Variants in STMN3 observed in about 807,000 individuals in gnomAD.
STMN3 encodes the protein stathmin 3.
Under a neutral mutation model 23.2 loss-of-function variants are expected in STMN3, and 24 were observed. The ratio of observed to expected loss-of-function variants is 1.03; its 90% CI spans 0.75 to 1.45. The LOEUF (loss-of-function observed/expected upper bound fraction) is 1.45. Among genes scored for constraint, STMN3 ranks in the 40% most tolerant of loss-of-function variants. STMN3 has a pLI of 0.00. For synonymous variants in STMN3, 117 were observed against 103.4 expected (o/e 1.13, Z -0.80); for missense variants, 235 against 237.6 (o/e 0.99, Z 0.07).
Position 63,643,855 on chromosome 20 carries a change from C to G in STMN3, c.192G>C (p.Leu64=), listed in dbSNP as rs549894362. 15 of 1,580,410 alleles carry G rather than the reference C, an allele frequency of 9.5e-6. No homozygotes were observed. The highest frequency in any genetic ancestry group is 2.8e-5 in the African/African-American group (2 of 72,486). ...AGGAGAGCATAGGGCTCTCTGGGGA[C>G]AGGTCAGAAGGGGACTTGAGGATGA... The part of the protein sequence containing the change: ...FEVILKSPSD[L]SPESPMLSSP... Residue 64 remains leucine, a synonymous_variant, in exon 3 of 5, where the codon CTG becomes CTC. Transcript: ENST00000370053.
chr20:63,643,967 C>G (rs368925366), intron 2 of STMN3, 36 bp from the exon 3 acceptor site: 1 of 1,582,804 alleles, frequency 6.3e-7, no homozygotes, highest in African/African-American at 1.4e-5. Context: ...TTCAGAGGCC[C>G]GGCCAGGGCA....
At chr20:63,651,763 C>T (rs1170368549) in intron 1 of STMN3, among the ~76,000 whole-genome samples, 6 of 152,204 alleles carry the variant, frequency 3.9e-5, no homozygotes, top group African/African-American at 1.2e-4. Context: ...TTAGGCAGCT[C>T]GGACAACACC....
At chr20:63,653,218 T>C (rs1601065812) in intron 1 of STMN3, 109 bp downstream of exon 1, 1 of 1,351,482 alleles carries the variant, frequency 7.4e-7, no homozygotes, top group Non-Finnish European at 1.0e-6. Context: ...ACGCGCAGGG[T>C]AGGAGAAGGG....
chr20:63,641,236 G>A lies in STMN3; in HGVS notation c.*102C>T, dbSNP rs1219781632. 3 of 984,110 alleles carry A rather than the reference G, an allele frequency of 3.0e-6. No homozygotes were observed. The highest frequency in any genetic ancestry group is 3.1e-6 in the Non-Finnish European group (2 of 639,690). 61.0% of individuals were successfully genotyped at this position (984,110 alleles called of 1,614,324 possible). A position where few individuals can be genotyped will look rare whatever the true frequency, so the allele number is the denominator to read the frequency against. On this transcript the variant is annotated 3_prime_UTR_variant, in exon 5 of 5. Transcript: ENST00000370053. Reference sequence around the variant, plus strand: ...GAAGCATGAAGCTGGGGGCGGGGGTGGGGGAGGAGGAACAAAAGTTGCATC... The same window carrying A: ...GAAGCATGAAGCTGGGGGCGGGGGTAGGGGAGGAGGAACAAAAGTTGCATC...
chr20:63,641,150 A>AG lies in STMN3; in HGVS notation c.*187dup. ...GCGTCTCACGCCCGGCGGCTCCTGC[A>AG]GGGGAAGCCGTGGTCAGCGACTCAC... On this transcript the variant is annotated 3_prime_UTR_variant, in exon 5 of 5. Coordinates refer to ENST00000370053, the MANE Select transcript of STMN3 (RefSeq NM_015894.4). The AG allele has an allele frequency of 1.5e-6, 1 of 652,746 alleles. No homozygotes were observed. The highest frequency in any genetic ancestry group is 2.8e-6 in the Non-Finnish European group (1 of 359,130). The allele number at this position is 652,746 out of a possible 1,614,324, so 40.4% of individuals were successfully genotyped here.
chr20:63,647,755 A>T lies in STMN3; in HGVS notation c.20-3446T>A, dbSNP rs1350939942. ...CATATATATACACGTGTATATATAT[A>T]ATATATATACATATATACACGTGTA... On this transcript the variant is annotated intron_variant, in intron 1 of 4. Transcript: ENST00000370053. Among the ~76,000 whole-genome samples the T allele has an allele frequency of 3.2e-4, 40 of 125,348 alleles. 1 individual carries two copies. Among genetic ancestry groups the T allele is most frequent in the South Asian group, 9.0e-4 (4 of 4,462 alleles). The allele number at this position is 125,348 out of a possible 152,430, so 82.2% of individuals were successfully genotyped here. A position where few individuals can be genotyped will look rare whatever the true frequency, so the allele number is the denominator to read the frequency against.
intron 1 of STMN3, 106 bp downstream of exon 1, chr20:63,653,221 G>A: frequency 7.0e-7 from 1 of 1,419,850 alleles, no homozygotes; most frequent in Non-Finnish European, 9.6e-7. Context: ...CGCAGGGTAG[G>A]AGAAGGGAAA....
intron 1 of STMN3, among the ~76,000 whole-genome samples, chr20:63,648,804 C>T (rs749499542): frequency 6.6e-6 from 1 of 152,136 alleles, no homozygotes. Flanking sequence ...CTCAAAGCCC[C>T]TGTCTGCCCT....
chr20:63,642,896 G>A (rs572464275), intron 3 of STMN3, among the ~76,000 whole-genome samples: 3 of 152,276 alleles, frequency 2.0e-5, no homozygotes, highest in Admixed American at 6.5e-5. Flanking sequence ...TGGCCTCACC[G>A]GGAAGGGAAC....
chr20:63,647,934 A>ATGTGTG (rs1220891233), intron 1 of STMN3, among the ~76,000 whole-genome samples: 5 of 59,154 alleles, frequency 8.5e-5, no homozygotes, highest in African/African-American at 4.1e-4. Flanking sequence ...ATATACGTAT[A>ATGTGTG]TATGTGTGTG....
chr20:63,641,800 G>C (rs2089764847), intron 4 of STMN3, among the ~76,000 whole-genome samples: 1 of 110,254 alleles, frequency 9.1e-6, no homozygotes, highest in Non-Finnish European at 1.9e-5. Flanking sequence ...TCAGCGCCTC[G>C]GAGTCCCCGG....
At chr20:63,649,156 C>T (rs2089839223) in intron 1 of STMN3, among the ~76,000 whole-genome samples, 1 of 152,140 alleles carries the variant, frequency 6.6e-6, no homozygotes, top group South Asian at 2.1e-4. Context: ...GAGCTTCTAT[C>T]CCAAGAGACT....
chr20:63,652,859 G>T lies in STMN3; in HGVS notation c.19+468C>A, dbSNP rs2089871540. 1.1e-6 allele frequency: 1 copy of T among 915,078 alleles called. No individual in the cohort carries two copies. The highest frequency in any genetic ancestry group is 1.3e-6 in the Non-Finnish European group (1 of 765,924). The allele number at this position is 915,078 out of a possible 1,614,324, so 56.7% of individuals were successfully genotyped here. ...CCCCTCCAGCCCCTGTGCTGCACTGGCGCGGGGAGCGCCGGGTTCCCGGCT... is the reference window on the plus strand; with the variant it reads ...CCCCTCCAGCCCCTGTGCTGCACTGTCGCGGGGAGCGCCGGGTTCCCGGCT... On this transcript the variant is annotated intron_variant, in intron 1 of 4. Coordinates refer to ENST00000370053, the MANE Select transcript of STMN3 (RefSeq NM_015894.4). The surrounding 1 kb of genome is among the most constrained non-coding windows in gnomAD (Gnocchi z 5.3).
intron 3 of STMN3, 63 bp downstream of exon 3, chr20:63,643,693 C>A: frequency 6.8e-7 from 1 of 1,472,584 alleles, no homozygotes; most frequent in South Asian, 1.5e-5. Flanking sequence ...TTCTTGCAGG[C>A]CCTGTCCCCG....
Position 63,652,750 on chromosome 20 carries a change from C to G in STMN3, c.19+577G>C, listed in dbSNP as rs557995513. ...CGCGGGCGTCGCAAAGGGTGGTCCCCGAGGCCGCAGCGGTGTGGGGGGAGG... is the reference window on the plus strand; with the variant it reads ...CGCGGGCGTCGCAAAGGGTGGTCCCGGAGGCCGCAGCGGTGTGGGGGGAGG... On this transcript the variant is annotated intron_variant, in intron 1 of 4. Transcript: ENST00000370053. The surrounding 1 kb of genome is among the most constrained non-coding windows in gnomAD (Gnocchi z 5.3). The G allele has an allele frequency of 1.4e-5, 14 of 985,934 alleles. No individual in the cohort carries two copies. In the South Asian group the frequency reaches 5.6e-4, roughly 40 times the overall value. The allele number at this position is 985,934 out of a possible 1,614,324, so 61.1% of individuals were successfully genotyped here. A position where few individuals can be genotyped will look rare whatever the true frequency, so the allele number is the denominator to read the frequency against.
At chr20:63,642,414 C>T (rs939054357) in intron 3 of STMN3, 115 bp from the exon 4 acceptor site, 6 of 539,156 alleles carry the variant, frequency 1.1e-5, no homozygotes, top group African/African-American at 8.0e-5. Flanking sequence ...GCGCCTCCAC[C>T]TGCCCAGGCC....
rs2089869478 is a variant in STMN3, at chr20:63,652,604, GTGGAGGGGC to G, written c.19+714_19+722del. ...AGGCGGTGGGTCCGCCCCGCGGGAG[GTGGAGGGGC>G]GGGAGGGGCGGAGCCCTCTGGTCTC... On this transcript the variant is annotated intron_variant, in intron 1 of 4. Transcript: ENST00000370053. This position sits in a 1 kb window ranked among gnomAD's most constrained non-coding sequence, Gnocchi z 5.3. The G allele has an allele frequency of 1.0e-6, 1 of 985,320 alleles. No individual in the cohort carries two copies. Among genetic ancestry groups the G allele is most frequent in the Non-Finnish European group, 1.2e-6 (1 of 829,856 alleles). 61.0% of individuals were successfully genotyped at this position (985,320 alleles called of 1,614,324 possible).
rs1601052496 is a variant in STMN3 at position 63,641,002 on chromosome 20, G to T, written c.*336C>A. ...CTGACCTGCACGTGCTGACCAGACA[G>T]CCCAGCGTAAGGACCCGTGATCCCA... is the stretch of plus-strand genomic sequence containing the variant. On this transcript the variant is annotated 3_prime_UTR_variant, in exon 5 of 5. Coordinates refer to ENST00000370053, the MANE Select transcript of STMN3 (RefSeq NM_015894.4). The T allele has an allele frequency of 4.8e-6, 2 of 420,500 alleles. No homozygotes were observed. Among genetic ancestry groups the T allele is most frequent in the East Asian group, 1.0e-4 (2 of 20,022 alleles). 26.0% of individuals were successfully genotyped at this position (420,500 alleles called of 1,614,324 possible).
At chr20:63,653,216 G>A in intron 1 of STMN3, 111 bp downstream of exon 1, 1 of 1,387,108 alleles carries the variant, frequency 7.2e-7, no homozygotes, top group Non-Finnish European at 9.9e-7. Flanking sequence ...CAACGCGCAG[G>A]GTAGGAGAAG....
Sources: allele counts gnomAD v4.1 joint callset (sites outside exome capture counted in the v4.1 genomes callset), GRCh38; gene constraint gnomAD v4.1.1; non-coding constraint Gnocchi (gnomAD v3.1); transcripts MANE v1.5; gene names NCBI Gene and HGNC (gene_info 2026-07-23, HGNC 2026-07-21).